ABLIM2: variants seen among roughly 807,000 people sequenced by gnomAD.
The protein encoded by ABLIM2 is actin binding LIM protein family member 2.
Under a neutral mutation model 97.7 loss-of-function variants are expected in ABLIM2, and 53 were observed. That is an observed-to-expected ratio of 0.54 (90% CI 0.44 to 0.68). ABLIM2 has a LOEUF of 0.68. Among genes scored for constraint, ABLIM2 ranks in the 30% least tolerant of loss-of-function variants. ABLIM2 has a pLI of 0.00. For synonymous variants in ABLIM2, 361 were observed against 345.8 expected (o/e 1.04, Z -0.49); for missense variants, 835 against 867.2 (o/e 0.96, Z 0.47).
intron 4 of ABLIM2, among the ~76,000 whole-genome samples, chr4:8,084,674 C>G (rs969895009): frequency 2.6e-4 from 39 of 152,240 alleles, no homozygotes; most frequent in African/African-American, 8.9e-4. Flanking sequence ...CAGGGGCGGC[C>G]AGGCCCAAGA....
intron 10 of ABLIM2, among the ~76,000 whole-genome samples, chr4:8,035,390 C>A (rs1271469330): frequency 6.6e-6 from 1 of 152,148 alleles, no homozygotes; most frequent in African/African-American, 2.4e-5. Flanking sequence ...TTGTTGAAGT[C>A]TCAAAATGAG....
At position 8,058,429 on chromosome 4, in the gene ABLIM2, C is replaced by A. The variant is rs767934535; in HGVS notation, c.763+2538G>T. On this transcript the variant is annotated intron_variant, in intron 7 of 20. Transcript: ENST00000447017. This position sits in a 1 kb window ranked among gnomAD's most constrained non-coding sequence, Gnocchi z 4.2. ...GGCCGCATGAGGTCATTCAACAGCC[C>A]GCAGGCACCTGCACGGCAGACGCTC... 1.3e-5 allele frequency among the ~76,000 whole-genome samples: 2 copies of A among 152,222 alleles called. No individual in the cohort carries two copies. Among genetic ancestry groups the A allele is most frequent in the East Asian group, 1.9e-4 (1 of 5,184 alleles).
chr4:8,135,848 A>G (rs1850119397), intron 1 of ABLIM2, among the ~76,000 whole-genome samples: 1 of 152,226 alleles, frequency 6.6e-6, no homozygotes, highest in Non-Finnish European at 1.5e-5. Context: ...AAGAGCTCCC[A>G]CTTCACAGGT....
chr4:8,088,816 G>T (rs1461644267), intron 3 of ABLIM2, among the ~76,000 whole-genome samples: 1 of 152,222 alleles, frequency 6.6e-6, no homozygotes, highest in East Asian at 1.9e-4. Flanking sequence ...CTATAGGTGA[G>T]AAACTGGAGT....
chr4:7,969,453 TCAAA>T (rs1190953679), intron 20 of ABLIM2, among the ~76,000 whole-genome samples: 11 of 152,100 alleles, frequency 7.2e-5, no homozygotes, highest in South Asian at 4.2e-4. Flanking sequence ...AGACCCTGTC[TCAAA>T]CAAACAAACA....
intron 1 of ABLIM2, among the ~76,000 whole-genome samples, chr4:8,133,169 T>G (rs1849674110): frequency 6.6e-6 from 1 of 152,172 alleles, no homozygotes; most frequent in African/African-American, 2.4e-5. Context: ...CTGCGTGAGT[T>G]CACATCACCT....
chr4:8,089,732 CAAAAA>C (rs58396378), intron 3 of ABLIM2, among the ~76,000 whole-genome samples: 3 of 87,682 alleles, frequency 3.4e-5, no homozygotes, highest in Admixed American at 1.3e-4. Flanking sequence ...AGATTCATAT[CAAAAA>C]AAAAAAAAAA....
chr4:8,048,701 C>T (rs1441383069), intron 8 of ABLIM2, among the ~76,000 whole-genome samples: 4 of 152,204 alleles, frequency 2.6e-5, no homozygotes, highest in Non-Finnish European at 4.4e-5. Flanking sequence ...TCTCCAGCTT[C>T]CTCCTGGACT....
intron 1 of ABLIM2, among the ~76,000 whole-genome samples, chr4:8,109,730 T>C (rs1264464385): frequency 5.3e-5 from 8 of 152,076 alleles, no homozygotes; most frequent in South Asian, 2.1e-4. Context: ...GGGAGAGGGG[T>C]TGGCCTGGGA....
intron 9 of ABLIM2, among the ~76,000 whole-genome samples, chr4:8,040,073 T>C (rs1574131): frequency 0.46 from 70,285 of 151,834 alleles, 16,767 homozygotes; most frequent in East Asian, 0.77. Flanking sequence ...TGCAGCCACT[T>C]GGTGGATTCT....
chr4:8,073,151 A>G (rs933708381), intron 6 of ABLIM2, among the ~76,000 whole-genome samples: 2 of 150,774 alleles, frequency 1.3e-5, no homozygotes, highest in African/African-American at 2.4e-5. Context: ...GGGAGGAGAC[A>G]GGATCAAGCA....
At position 8,008,126 on chromosome 4, in the gene ABLIM2, G is replaced by C; in HGVS notation, c.1551C>G (p.Ser517=). 1 of 1,614,066 alleles carries C rather than the reference G, an allele frequency of 6.2e-7. No homozygotes were observed. The highest frequency in any genetic ancestry group is 8.5e-7 in the Non-Finnish European group (1 of 1,179,908). The change falls in exon 16 of 21, where the codon TCC becomes TCG. Residue 517 remains serine (S), a synonymous_variant. Transcript: ENST00000447017. ...TGTCGGTCCCGCTGCTGTGGGACAA[G>C]GACTGGGTGTCCAGGTCTGGAGAAT... ...RTNSPDLDTQ[S]LSHSSGTDRD...
rs951665853 is a variant in ABLIM2 at position 8,036,180 on chromosome 4, T to C, written c.1016A>G (p.His339Arg). ...DMISYSPYIS[H>R]SAGDRQSYGE... is the part of the protein sequence containing the mutation. Reference sequence around the variant, plus strand: ...GTAGCTCTGCCTGTCCCCTGCAGAGTGGCTGATGTAGGGTGAGTAGGAGAT... The same window carrying C: ...GTAGCTCTGCCTGTCCCCTGCAGAGCGGCTGATGTAGGGTGAGTAGGAGAT... Residue 339 changes from histidine to arginine, a missense_variant, in exon 10 of 21, where the codon CAC becomes CGC. His to Arg is a conservative substitution (Grantham distance 29). Transcript: ENST00000447017. The C allele has an allele frequency of 2.4e-5, 38 of 1,613,670 alleles. No individual in the cohort carries two copies. Among genetic ancestry groups the C allele is most frequent in the Non-Finnish European group, 3.1e-5 (37 of 1,179,800 alleles).
intron 6 of ABLIM2, among the ~76,000 whole-genome samples, chr4:8,076,325 A>G (rs1481329870): frequency 3.3e-5 from 5 of 152,182 alleles, no homozygotes; most frequent in African/African-American, 9.7e-5. Context: ...TCCCCTCCGC[A>G]TTCTGAATGC....
Position 7,998,566 on chromosome 4 carries a change from T to C in ABLIM2, c.1619-5639A>G, listed in dbSNP as rs767204840. 2.2e-6 allele frequency: 1 copy of C among 464,264 alleles called. No homozygotes were observed. The highest frequency in any genetic ancestry group is 4.3e-6 in the Non-Finnish European group (1 of 231,048). The allele number at this position is 464,264 out of a possible 1,614,324, so 28.8% of individuals were successfully genotyped here. A position where few individuals can be genotyped will look rare whatever the true frequency, so the allele number is the denominator to read the frequency against. ...AGATGCCTGCCACGGGTGGAGACCA[T>C]GCCCCTGGGTTCACTCCCAGGACTG... On this transcript the variant is annotated intron_variant, in intron 16 of 20. Coordinates refer to ENST00000447017, the MANE Select transcript of ABLIM2 (RefSeq NM_001130083.2). This position sits in a 1 kb window ranked among gnomAD's most constrained non-coding sequence, Gnocchi z 6.4.
intron 14 of ABLIM2, chr4:8,010,560 T>A (rs1284719418): frequency 1.6e-5 from 16 of 985,754 alleles, no homozygotes; most frequent in Non-Finnish European, 1.9e-5. Flanking sequence ...CTTGACAAGA[T>A]AAGGCCAAAA....
chr4:8,013,365 G>A (rs1766426102), intron 14 of ABLIM2, among the ~76,000 whole-genome samples: 1 of 151,824 alleles, frequency 6.6e-6, no homozygotes, highest in Non-Finnish European at 1.5e-5. Flanking sequence ...TGGGATTACA[G>A]GTGACCACCA....
At chr4:8,016,871 C>T (rs931790665) in intron 14 of ABLIM2, among the ~76,000 whole-genome samples, 5 of 152,212 alleles carry the variant, frequency 3.3e-5, no homozygotes, top group Non-Finnish European at 5.9e-5. Context: ...TTATGTGAAA[C>T]GCTTTTGCTA....
chr4:8,026,086 C>A (rs920031594), intron 12 of ABLIM2, among the ~76,000 whole-genome samples: 16 of 152,210 alleles, frequency 1.1e-4, no homozygotes, highest in African/African-American at 3.9e-4. Flanking sequence ...TAGCTCACTG[C>A]AGCTTCAAAC....
Sources: allele counts gnomAD v4.1 joint callset (sites outside exome capture counted in the v4.1 genomes callset), GRCh38; gene constraint gnomAD v4.1.1; non-coding constraint Gnocchi (gnomAD v3.1); transcripts MANE v1.5; gene names NCBI Gene and HGNC (gene_info 2026-07-23, HGNC 2026-07-21).